Variants in HNF4G observed in about 807,000 individuals in gnomAD.
HNF4G encodes hepatocyte nuclear factor 4-gamma.
Under a neutral mutation model 50.9 loss-of-function variants are expected in HNF4G, and 21 were observed. The observed-to-expected ratio is 0.41, with a 90% CI of 0.29 to 0.59. The LOEUF is 0.59. HNF4G is among the 20% of genes least tolerant of loss of function. The pLI, the probability that HNF4G is intolerant of heterozygous loss-of-function variation, is 0.26. For synonymous variants in HNF4G, 198 were observed against 185.6 expected (o/e 1.07, Z -0.54); for missense variants, 527 against 559.4 (o/e 0.94, Z 0.58).
intron 2 of HNF4G, among the ~76,000 whole-genome samples, chr8:75,528,820 G>T (rs1585925307): frequency 6.6e-6 from 1 of 151,986 alleles, no homozygotes; most frequent in African/African-American, 2.4e-5. Flanking sequence ...CTGTTCTCAC[G>T]CTGCTATAAA....
intron 1 of HNF4G, among the ~76,000 whole-genome samples, chr8:75,444,266 C>T (rs1811366084): frequency 6.6e-6 from 1 of 151,768 alleles, no homozygotes; most frequent in African/African-American, 2.4e-5. Flanking sequence ...CCTAAAAGAG[C>T]TCCTGAAGGA....
chr8:75,471,782 A>G (rs1292447983), intron 1 of HNF4G, among the ~76,000 whole-genome samples: 1 of 152,182 alleles, frequency 6.6e-6, no homozygotes, highest in Non-Finnish European at 1.5e-5. Context: ...CAAAATAATA[A>G]TGATGCTAAA....
chr8:75,532,704 C>A (rs552491164), intron 2 of HNF4G, among the ~76,000 whole-genome samples: 25 of 152,038 alleles, frequency 1.6e-4, no homozygotes, highest in African/African-American at 5.8e-4. Flanking sequence ...TTAGACTAGC[C>A]CCAGGCTAGT....
rs1467241187 is a variant in HNF4G, at chr8:75,558,651, A to G, written c.867A>G (p.Ala289=). The stretch of plus-strand genomic sequence containing the variant: ...ACAATGAGTATGCTTGTTTAAAGGC[A>G]ATTGTATTTTTTGATCCAGGTTGGT... ...IDDNEYACLK[A]IVFFDPDAKG... Residue 289 remains alanine (A), a synonymous_variant, in exon 7 of 10, where the codon GCA becomes GCG. Coordinates refer to ENST00000396423, the MANE Select transcript of HNF4G (RefSeq NM_004133.5). 6.2e-7 allele frequency: 1 copy of G among 1,612,818 alleles called. No homozygotes were observed. The highest frequency in any genetic ancestry group is 8.5e-7 in the Non-Finnish European group (1 of 1,179,636).
chr8:75,424,655 T>C (rs1051247427), intron 1 of HNF4G, among the ~76,000 whole-genome samples: 3 of 152,182 alleles, frequency 2.0e-5, no homozygotes, highest in African/African-American at 7.2e-5. Flanking sequence ...TTTTCTGTGT[T>C]TGTGTTAATT....
intron 1 of HNF4G, among the ~76,000 whole-genome samples, chr8:75,453,377 C>T (rs1345079667): frequency 1.3e-5 from 2 of 152,008 alleles, no homozygotes; most frequent in African/African-American, 4.8e-5. Flanking sequence ...TCTGTAAAAA[C>T]ACACCAATCA....
At chr8:75,563,327 A>C (rs138221360) in intron 9 of HNF4G, among the ~76,000 whole-genome samples, 1 of 152,090 alleles carries the variant, frequency 6.6e-6, no homozygotes, top group African/African-American at 2.4e-5. Context: ...CATTCAATTC[A>C]ATTTTTTATA....
At chr8:75,530,543 C>T (rs1005252216) in intron 2 of HNF4G, among the ~76,000 whole-genome samples, 3 of 151,856 alleles carry the variant, frequency 2.0e-5, no homozygotes, top group Non-Finnish European at 4.4e-5. Flanking sequence ...TGGTTGATGA[C>T]AATTAGAATA....
At chr8:75,562,992 C>G (rs1254146687) in intron 9 of HNF4G, among the ~76,000 whole-genome samples, 3 of 152,074 alleles carry the variant, frequency 2.0e-5, no homozygotes, top group African/African-American at 7.2e-5. Context: ...TAAGTAATTG[C>G]TAATCCATAC....
chr8:75,516,659 C>T (rs962942992), intron 2 of HNF4G, among the ~76,000 whole-genome samples: 15 of 152,076 alleles, frequency 9.9e-5, no homozygotes, highest in African/African-American at 3.1e-4. Context: ...GAGATGAGTG[C>T]TGAAGAATTC....
intron 2 of HNF4G, among the ~76,000 whole-genome samples, chr8:75,514,289 T>G (rs2130732149): frequency 6.6e-6 from 1 of 151,886 alleles, no homozygotes; most frequent in African/African-American, 2.4e-5. Context: ...GTGCTGGGTT[T>G]ATTTTTTCCA....
intron 1 of HNF4G, among the ~76,000 whole-genome samples, chr8:75,409,534 G>C (rs1326300485): frequency 7.6e-6 from 1 of 131,108 alleles, no homozygotes; most frequent in Non-Finnish European, 1.5e-5. Flanking sequence ...TGTCACCCAG[G>C]CTAGAGTATA....
rs374941443 is a variant in HNF4G, at chr8:75,433,939, A to AGAT, written c.-144+25778_-144+25780dup. Among the ~76,000 whole-genome samples the AGAT allele has an allele frequency of 5.3e-5, 8 of 152,166 alleles. No individual in the cohort carries two copies. In the East Asian group the frequency reaches 1.5e-3, roughly 29 times the overall value. ...ACAGTTAAGATAGGATTCAATATAA[A>AGAT]GATAAGAACCCTCTAGTTTGAAAAT... On this transcript the variant is annotated intron_variant, in intron 1 of 10. Transcript: ENST00000354370.
At chr8:75,555,902 C>G in intron 5 of HNF4G, 80 bp from the exon 6 acceptor site, 1 of 757,288 alleles carries the variant, frequency 1.3e-6, no homozygotes, top group African/African-American at 1.8e-5. Flanking sequence ...TTAAAGAACA[C>G]TCTAAGTTAA....
At chr8:75,521,855 T>C (rs980308718) in intron 2 of HNF4G, among the ~76,000 whole-genome samples, 1 of 152,170 alleles carries the variant, frequency 6.6e-6, no homozygotes, top group Non-Finnish European at 1.5e-5. Context: ...CATCTTACAC[T>C]TTTGTATGTC....
rs369044227 is a variant in HNF4G at position 75,559,512 on chromosome 8, T to A, written c.1123+475T>A. Among the ~76,000 whole-genome samples the A allele has an allele frequency of 3.2e-4, 49 of 152,198 alleles. No homozygotes were observed. The East Asian group carries it at 8.5e-3, about 27-fold the overall frequency. ...TGGTCTTGATTTCCTGACCTTGTGA[T>A]CTGCCAGCCTCGGCCTCCCAAAGTG... On this transcript the variant is annotated intron_variant, in intron 8 of 9. Coordinates refer to ENST00000396423, the MANE Select transcript of HNF4G (RefSeq NM_004133.5).
chr8:75,538,956 T>C (rs1008974585), upstream of HNF4G, among the ~76,000 whole-genome samples: 29 of 152,200 alleles, frequency 1.9e-4, no homozygotes, highest in Non-Finnish European at 3.7e-4. Context: ...CATTCTGAAT[T>C]TATAATGTAA....
Position 75,564,180 on chromosome 8 carries a change from C to G in HNF4G, c.*84C>G. The G allele has an allele frequency of 7.0e-7, 1 of 1,423,622 alleles. No individual in the cohort carries two copies. The highest frequency in any genetic ancestry group is 9.7e-7 in the Non-Finnish European group (1 of 1,032,076). The allele number at this position is 1,423,622 out of a possible 1,614,324, so 88.2% of individuals were successfully genotyped here. ...ATCTCAGGATAGCACTTTTGGCAAA[C>G]TCTTAGCCAAGGCTTCTTCATTGGT... is the stretch of plus-strand genomic sequence containing the variant. On this transcript the variant is annotated 3_prime_UTR_variant, in exon 10 of 10. Coordinates refer to ENST00000396423, the MANE Select transcript of HNF4G (RefSeq NM_004133.5).
At chr8:75,452,865 G>C (rs1214496964) in intron 1 of HNF4G, among the ~76,000 whole-genome samples, 1 of 152,170 alleles carries the variant, frequency 6.6e-6, no homozygotes, top group Non-Finnish European at 1.5e-5. Context: ...GAGTGAATAT[G>C]TTTGCTTTTC....
Sources: gnomAD v4.1 joint callset for allele counts (sites outside exome capture counted in the v4.1 genomes callset) on GRCh38, gnomAD v4.1.1 for gene constraint, MANE v1.5 for transcripts, NCBI Gene and HGNC (gene_info 2026-07-23, HGNC 2026-07-21) for gene names.